Variants in CCDC7 observed in about 807,000 individuals in gnomAD.
CCDC7 encodes coiled-coil domain-containing protein 7.
In CCDC7, 183 loss-of-function variants were observed where a neutral mutation model predicts 196.9. That is an observed-to-expected ratio of 0.93 (90% confidence interval 0.82 to 1.05). The LOEUF (loss-of-function observed/expected upper bound fraction) is 1.05, where lower values mean the gene tolerates loss of function less well. Among genes scored for constraint, CCDC7 ranks in the 50% least tolerant of loss-of-function variants. The pLI, the probability that CCDC7 is intolerant of heterozygous loss-of-function variation, is 0.00. For synonymous variants in CCDC7, 525 were observed against 484.6 expected, an observed-to-expected ratio of 1.08 and a Z score of -1.10; for missense variants, 1,540 against 1,482.2, an observed-to-expected ratio of 1.04 and a Z score of -0.64.
At chr10:32,643,724 T>C (rs1018724919) in intron 20 of CCDC7, among the ~76,000 whole-genome samples, 1 of 151,976 alleles carries the variant, frequency 6.6e-6, no homozygotes, top group African/African-American at 2.4e-5. Context: ...ACTTTTTAAG[T>C]GCATATAGTA....
rs544305282 is a variant in CCDC7 at position 32,664,491 on chromosome 10, G to A, written c.2122+330G>A. Among the ~76,000 whole-genome samples, 228 of 151,954 alleles carry A rather than the reference G, an allele frequency of 1.5e-3. 2 individuals carry two copies. Among genetic ancestry groups the A allele is most frequent in the African/African-American group, 5.2e-3 (217 of 41,504 alleles). ...AAATGTGTGTCCTTTGACCAACATTGCTTCAGTCCTCCCACCATCAGCCTC... is the reference window on the plus strand; with the variant it reads ...AAATGTGTGTCCTTTGACCAACATTACTTCAGTCCTCCCACCATCAGCCTC... On this transcript the variant is annotated intron_variant, in intron 21 of 41. Coordinates refer to ENST00000639629, the Ensembl canonical transcript of CCDC7.
intron 9 of CCDC7, among the ~76,000 whole-genome samples, chr10:32,496,042 A>C (rs1475236351): frequency 1.3e-5 from 2 of 152,012 alleles, no homozygotes. Context: ...ATGTTTTTCC[A>C]TTTGTTTGTT....
At chr10:32,458,459 ATGTGTG>A (rs57148461) in intron 3 of CCDC7, among the ~76,000 whole-genome samples, 111,723 of 141,746 alleles carry the variant, frequency 0.79, 45,700 homozygotes, top group Non-Finnish European at 0.89. Context: ...GTGTGTTTGC[ATGTGTG>A]TGTGTGTGTG....
At chr10:32,497,220 G>T (rs1317931671) in intron 9 of CCDC7, among the ~76,000 whole-genome samples, 1 of 152,180 alleles carries the variant, frequency 6.6e-6, no homozygotes, top group African/African-American at 2.4e-5. Context: ...TTGTATTTCT[G>T]TGGGATCTGT....
In CCDC7 at chr10:32,602,062, T is replaced by A. The variant is rs1201734011; in HGVS notation, c.1801+17758T>A. Among the ~76,000 whole-genome samples, 6 of 152,294 alleles carry A rather than the reference T, an allele frequency of 3.9e-5. No individual in the cohort carries two copies. In the East Asian group the frequency reaches 1.2e-3, roughly 29 times the overall value. On this transcript the variant is annotated intron_variant, in intron 18 of 41. Coordinates refer to ENST00000639629, the Ensembl canonical transcript of CCDC7. Reference sequence around the variant, plus strand: ...TTTTGCTCTTCACAATAAATCTTGCTGCTGCTCACTCTTTGGGTCCGCACT... The same window carrying A: ...TTTTGCTCTTCACAATAAATCTTGCAGCTGCTCACTCTTTGGGTCCGCACT...
intron 18 of CCDC7, among the ~76,000 whole-genome samples, chr10:32,614,231 CT>C (rs1231090381): frequency 6.7e-6 from 1 of 150,150 alleles, no homozygotes; most frequent in Non-Finnish European, 1.5e-5. Context: ...ATTGCAACCC[CT>C]GGTTTTTTTT....
chr10:32,489,384 G>A (rs989117238), intron 8 of CCDC7, among the ~76,000 whole-genome samples: 2 of 152,182 alleles, frequency 1.3e-5, no homozygotes, highest in African/African-American at 2.4e-5. Context: ...CAACAGTTGC[G>A]TGGGCTAGCT....
chr10:32,781,347 A>G (rs1284490949), intron 29 of CCDC7, among the ~76,000 whole-genome samples: 2 of 152,194 alleles, frequency 1.3e-5, no homozygotes, highest in Admixed American at 6.5e-5. Context: ...CAGAAATGCT[A>G]TAAGAAAGCA....
chr10:32,799,513 A>C (rs2084338802), intron 29 of CCDC7, among the ~76,000 whole-genome samples: 1 of 152,198 alleles, frequency 6.6e-6, no homozygotes, highest in Admixed American at 6.5e-5. Flanking sequence ...AAAATGAGGA[A>C]TGTGTTGCCT....
intron 37 of CCDC7, among the ~76,000 whole-genome samples, chr10:32,847,626 G>T (rs1257117852): frequency 1.3e-5 from 2 of 150,484 alleles, no homozygotes; most frequent in East Asian, 3.9e-4. Flanking sequence ...CAAGGCGGGG[G>T]ACCACTTGAG....
chr10:32,684,464 C>G (rs1279301535), intron 21 of CCDC7, among the ~76,000 whole-genome samples: 1 of 152,220 alleles, frequency 6.6e-6, no homozygotes, highest in Non-Finnish European at 1.5e-5. Context: ...AGCACTCACT[C>G]TTTCCCCATG....
intron 30 of CCDC7, among the ~76,000 whole-genome samples, chr10:32,806,955 AG>A (rs1464972015): frequency 6.6e-6 from 1 of 152,220 alleles, no homozygotes. Context: ...TAGGGCCAGA[AG>A]GCATTGGGAC....
At chr10:32,876,091 T>C (rs2094589225) in intron 41 of CCDC7, among the ~76,000 whole-genome samples, 1 of 152,118 alleles carries the variant, frequency 6.6e-6, no homozygotes, top group East Asian at 1.9e-4. Context: ...AAATCTGTTT[T>C]AGTAAGTTGT....
At chr10:32,565,926 C>A (rs919420775) in intron 14 of CCDC7, among the ~76,000 whole-genome samples, 4 of 152,070 alleles carry the variant, frequency 2.6e-5, no homozygotes, top group African/African-American at 9.7e-5. Flanking sequence ...CAATGTATTT[C>A]AAGCTGATAA....
chr10:32,708,781 A>C (rs2080274821), intron 24 of CCDC7, among the ~76,000 whole-genome samples: 1 of 152,222 alleles, frequency 6.6e-6, no homozygotes, highest in South Asian at 2.1e-4. Flanking sequence ...ATACCATCTC[A>C]CACCACTTAG....
chr10:32,643,252 A>G lies in CCDC7; in HGVS notation c.2014+8094A>G, dbSNP rs1325782740. On this transcript the variant is annotated intron_variant, in intron 20 of 41. Coordinates refer to ENST00000639629, the Ensembl canonical transcript of CCDC7. ...AAACTCAACTTTTTCATTTCATGAA[A>G]GGAACCTTCTGAATCTCTGGTAAGG... 2.0e-5 allele frequency among the ~76,000 whole-genome samples: 3 copies of G among 152,180 alleles called. No individual in the cohort carries two copies. In the East Asian group the frequency reaches 5.8e-4, roughly 29 times the overall value.
chr10:32,514,928 C>T (rs1488452400), intron 9 of CCDC7, among the ~76,000 whole-genome samples: 1 of 152,300 alleles, frequency 6.6e-6, no homozygotes, highest in East Asian at 1.9e-4. Flanking sequence ...AGGCCCAAGG[C>T]ATCTTCCTGC....
chr10:32,491,938 G>C lies in CCDC7; in HGVS notation c.813G>C (p.Met271Ile), dbSNP rs781759295. ...AAATAATAGAAACTGCTCATTCAATGACTAATCGATTTAATGCCATGTTGA... is the reference window on the plus strand; with the variant it reads ...AAATAATAGAAACTGCTCATTCAATCACTAATCGATTTAATGCCATGTTGA... The change falls in exon 9 of 42, where the codon ATG becomes ATC. Residue 271 changes from methionine (M) to isoleucine (I), a missense_variant. Coordinates refer to ENST00000639629, the Ensembl canonical transcript of CCDC7. 8 of 1,574,038 alleles carry C rather than the reference G, an allele frequency of 5.1e-6. No individual in the cohort carries two copies. The South Asian group carries it at 8.5e-5, about 17-fold the overall frequency.
At chr10:32,479,794 G>A (rs1196459693) in intron 8 of CCDC7, among the ~76,000 whole-genome samples, 2 of 150,756 alleles carry the variant, frequency 1.3e-5, no homozygotes, top group Non-Finnish European at 3.0e-5. Flanking sequence ...TTCTTTAAAT[G>A]TTGGGTAGAA....
Sources: gnomAD v4.1 joint callset for allele counts (sites outside exome capture counted in the v4.1 genomes callset) on GRCh38, gnomAD v4.1.1 for gene constraint, MANE v1.5 for transcripts, NCBI Gene and HGNC (gene_info 2026-07-23, HGNC 2026-07-21) for gene names.